The following FHIT variants were observed in gnomAD, a reference collection of about 807,000 sequenced individuals.
FHIT encodes the protein fragile histidine triad diadenosine triphosphatase.
In FHIT, 19 loss-of-function variants were observed where a neutral mutation model predicts 17.9. That is an observed-to-expected ratio of 1.06 (90% CI 0.74 to 1.56). The LOEUF is 1.56. Ranked by LOEUF, FHIT falls within the 40% of genes most tolerant of loss-of-function variation. The pLI, the probability that FHIT is intolerant of heterozygous loss-of-function variation, is 0.00. For missense variants in FHIT, 248 were observed against 189.2 expected (o/e 1.31, Z -1.82); for synonymous variants, 81 against 69.7 (o/e 1.16, Z -0.81).
intron 4 of FHIT, among the ~76,000 whole-genome samples, chr3:60,645,078 T>A (rs1253709988): frequency 4.6e-5 from 7 of 152,124 alleles, no homozygotes; most frequent in Admixed American, 2.0e-4. Context: ...GGATCCCCCA[T>A]CCCAAGCCCC....
intron 8 of FHIT, among the ~76,000 whole-genome samples, chr3:59,785,292 G>A (rs1465876978): frequency 6.9e-6 from 1 of 145,776 alleles, no homozygotes; most frequent in Non-Finnish European, 1.5e-5. Flanking sequence ...TTCCAGAAGT[G>A]ATTAGTGATG....
At chr3:59,956,088 T>A (rs149501734) in intron 7 of FHIT, among the ~76,000 whole-genome samples, 5 of 152,374 alleles carry the variant, frequency 3.3e-5, no homozygotes, top group Non-Finnish European at 5.9e-5. Flanking sequence ...GCTGCATTTC[T>A]ACTTGCCTAT....
At chr3:59,970,724 A>G (rs747863226) in intron 7 of FHIT, among the ~76,000 whole-genome samples, 2 of 151,754 alleles carry the variant, frequency 1.3e-5, no homozygotes, top group Non-Finnish European at 2.9e-5. Flanking sequence ...AATTTTTGTT[A>G]TTGTTGTTCT....
intron 4 of FHIT, among the ~76,000 whole-genome samples, chr3:60,740,554 T>C (rs1192552419): frequency 2.6e-5 from 4 of 152,200 alleles, no homozygotes; most frequent in African/African-American, 9.6e-5. Flanking sequence ...ATACATGTAA[T>C]ATAAAATGTG....
At chr3:60,374,645 T>A (rs1700470046) in intron 5 of FHIT, among the ~76,000 whole-genome samples, 1 of 151,066 alleles carries the variant, frequency 6.6e-6, no homozygotes, top group African/African-American at 2.4e-5. Flanking sequence ...GACATTTATG[T>A]AGAAGGACTT....
At chr3:59,832,562 C>G (rs970915841) in intron 8 of FHIT, among the ~76,000 whole-genome samples, 1 of 152,202 alleles carries the variant, frequency 6.6e-6, no homozygotes, top group Non-Finnish European at 1.5e-5. Context: ...TTTTTGTCCT[C>G]TGCATTGTGA....
At chr3:60,151,397 T>C (rs1700457289) in intron 5 of FHIT, among the ~76,000 whole-genome samples, 3 of 152,184 alleles carry the variant, frequency 2.0e-5, no homozygotes, top group South Asian at 4.2e-4. Flanking sequence ...TCACCTGTTT[T>C]CTGAGTTACT....
chr3:61,076,863 A>G (rs2034988377), intron 2 of FHIT, among the ~76,000 whole-genome samples: 1 of 152,166 alleles, frequency 6.6e-6, no homozygotes, highest in African/African-American at 2.4e-5. Flanking sequence ...CTCTCTGCAA[A>G]TATTCATCCT....
At chr3:61,059,372 C>CTTTTTTTTTTTTT (rs201797361) in intron 2 of FHIT, among the ~76,000 whole-genome samples, 2 of 113,280 alleles carry the variant, frequency 1.8e-5, no homozygotes, top group Non-Finnish European at 1.8e-5. Flanking sequence ...TTGCTTTTTC[C>CTTTTTTTTTTTTT]TTTTTTTTTT....
chr3:59,855,824 A>G lies in FHIT; in HGVS notation c.348+66522T>C, dbSNP rs1702131846. 2.0e-5 allele frequency among the ~76,000 whole-genome samples: 3 copies of G among 150,450 alleles called. No individual in the cohort carries two copies. In the Admixed American group the frequency reaches 2.0e-4, roughly 10 times the overall value. ...GAGACGGAGTCTTGCCCTGTCGCTCAGTCTGGAGTGCAGTGGCACTAACTT... is the reference window on the plus strand; with the variant it reads ...GAGACGGAGTCTTGCCCTGTCGCTCGGTCTGGAGTGCAGTGGCACTAACTT... On this transcript the variant is annotated intron_variant, in intron 8 of 9. Transcript: ENST00000492590.
At chr3:60,520,730 G>A (rs915164190) in intron 5 of FHIT, among the ~76,000 whole-genome samples, 4 of 152,028 alleles carry the variant, frequency 2.6e-5, no homozygotes, top group Non-Finnish European at 4.4e-5. Flanking sequence ...GTGGGTGGAG[G>A]AGCGAGACAC....
intron 5 of FHIT, among the ~76,000 whole-genome samples, chr3:60,136,946 C>T (rs1255675585): frequency 6.6e-6 from 1 of 152,092 alleles, no homozygotes; most frequent in African/African-American, 2.4e-5. Flanking sequence ...TACAATATCT[C>T]CTTGGTTTAA....
chr3:60,113,587 A>G (rs1285028949), intron 5 of FHIT, among the ~76,000 whole-genome samples: 1 of 151,902 alleles, frequency 6.6e-6, no homozygotes, highest in Non-Finnish European at 1.5e-5. Context: ...GAAGATTAAG[A>G]TTCTACGATG....
chr3:60,956,278 G>T (rs1338477647), intron 3 of FHIT, among the ~76,000 whole-genome samples: 2 of 152,142 alleles, frequency 1.3e-5, no homozygotes, highest in African/African-American at 4.8e-5. Flanking sequence ...TCAAGTAAAA[G>T]GATTCTGGAT....
chr3:60,489,883 G>A (rs397227), intron 5 of FHIT, among the ~76,000 whole-genome samples: 9,539 of 152,014 alleles, frequency 0.063, 458 homozygotes, highest in African/African-American at 0.13. Flanking sequence ...CTGAACAGGA[G>A]GCTCCAAACC....
At chr3:60,682,839 C>T (rs1177950145) in intron 4 of FHIT, among the ~76,000 whole-genome samples, 2 of 152,082 alleles carry the variant, frequency 1.3e-5, no homozygotes, top group African/African-American at 4.8e-5. Context: ...AAATGAAAAC[C>T]TTCTGGAAAG....
rs985407071 is a variant in FHIT, at chr3:60,397,361, G to C, written c.103+139499C>G. 3.9e-5 allele frequency among the ~76,000 whole-genome samples: 6 copies of C among 152,238 alleles called. No homozygotes were observed. The East Asian group carries it at 1.2e-3, about 30-fold the overall frequency. ...CTAATGCTTGTGAAGCAGAGGAAGA[G>C]ATAGGAGGTTTGGGAAGAAGGAGTC... On this transcript the variant is annotated intron_variant, in intron 5 of 9. Transcript: ENST00000492590.
intron 4 of FHIT, among the ~76,000 whole-genome samples, chr3:60,621,251 C>T (rs559261234): frequency 6.8e-6 from 1 of 147,298 alleles, no homozygotes; most frequent in African/African-American, 2.5e-5. Context: ...TGGATTCAAG[C>T]AATTCTCCTA....
chr3:60,483,673 A>T (rs1173327777), intron 5 of FHIT, among the ~76,000 whole-genome samples: 2 of 152,182 alleles, frequency 1.3e-5, no homozygotes, highest in African/African-American at 4.8e-5. Context: ...TTGATGGGAC[A>T]TATCTCAAAA....
Sources: gnomAD v4.1 joint callset for allele counts (sites outside exome capture counted in the v4.1 genomes callset) on GRCh38, gnomAD v4.1.1 for gene constraint, MANE v1.5 for transcripts, NCBI Gene and HGNC (gene_info 2026-07-23, HGNC 2026-07-21) for gene names.